The following AQR variants were observed in gnomAD, a reference collection of about 807,000 sequenced individuals.
AQR encodes aquarius intron-binding spliceosomal factor.
Under a neutral mutation model 180.5 loss-of-function variants are expected in AQR, and 61 were observed. The observed-to-expected ratio is 0.34, with a 90% confidence interval of 0.28 to 0.42. The LOEUF (loss-of-function observed/expected upper bound fraction) is 0.42. AQR is among the 10% of genes least tolerant of loss of function. AQR has a pLI of 1.00. For missense variants in AQR, 1,281 were observed against 1,798.3 expected, an observed-to-expected ratio of 0.71 and a Z score of 5.20; for synonymous variants, 551 against 588.8, an observed-to-expected ratio of 0.94 and a Z score of 0.93.
At chr15:34,886,942 G>C (rs1445123163) in intron 24 of AQR, among the ~76,000 whole-genome samples, 2 of 151,842 alleles carry the variant, frequency 1.3e-5, no homozygotes, top group Non-Finnish European at 2.9e-5. Flanking sequence ...GGCTAACATG[G>C]TGAAACCCTG....
At chr15:34,913,009 A>G (rs1893523316) in intron 16 of AQR, among the ~76,000 whole-genome samples, 1 of 152,204 alleles carries the variant, frequency 6.6e-6, no homozygotes, top group Non-Finnish European at 1.5e-5. Flanking sequence ...ACAACTTCCT[A>G]TCACCTCCTC....
intron 29 of AQR, chr15:34,874,459 T>C (rs1892864522): frequency 2.0e-6 from 1 of 512,774 alleles, no homozygotes; most frequent in Non-Finnish European, 3.4e-6. Flanking sequence ...GATTATAAGT[T>C]ACTTAAATTA....
intron 14 of AQR, among the ~76,000 whole-genome samples, chr15:34,919,055 A>G (rs1893641923): frequency 6.6e-6 from 1 of 152,118 alleles, no homozygotes; most frequent in African/African-American, 2.4e-5. Context: ...CCTGACCAAC[A>G]TGGTGAAACC....
At position 34,927,764 on chromosome 15, in the gene AQR, T is replaced by G. The variant is rs75891146; in HGVS notation, c.1015-626A>C. 2.6e-5 allele frequency among the ~76,000 whole-genome samples: 4 copies of G among 152,302 alleles called. No individual in the cohort carries two copies. In the East Asian group the frequency reaches 7.7e-4, roughly 29 times the overall value. The stretch of plus-strand genomic sequence containing the variant: ...ACATGGCACAGAAAAGATCCGGAAG[T>G]TTTCATGTGTTCCATGGTGGATGAC... On this transcript the variant is annotated intron_variant, in intron 12 of 34. Transcript: ENST00000156471.
chr15:34,900,992 C>T, intron 19 of AQR, 129 bp from the exon 20 acceptor site: 1 of 1,236,320 alleles, frequency 8.1e-7, no homozygotes, highest in South Asian at 1.7e-5. Context: ...CTATTTTCCG[C>T]TGGCTGACAG....
intron 12 of AQR, 41 bp from the exon 13 acceptor site, chr15:34,927,179 C>T (rs1305252607): frequency 8.6e-7 from 1 of 1,159,016 alleles, no homozygotes; most frequent in Non-Finnish European, 1.2e-6. Flanking sequence ...TTAATGTCTA[C>T]ATATTAATAT....
At chr15:34,857,355 G>A (rs1445048820) in intron 34 of AQR, among the ~76,000 whole-genome samples, 1 of 152,218 alleles carries the variant, frequency 6.6e-6, no homozygotes, top group Non-Finnish European at 1.5e-5. Flanking sequence ...AAAGCTATTA[G>A]ATTTTTAAGC....
chr15:34,916,193 A>G (rs1595796144), intron 15 of AQR, among the ~76,000 whole-genome samples: 1 of 152,210 alleles, frequency 6.6e-6, no homozygotes, highest in South Asian at 2.1e-4. Context: ...ACACTGAATT[A>G]TTATGTTACA....
At chr15:34,964,077 A>G (rs2050296820) in intron 2 of AQR, among the ~76,000 whole-genome samples, 157 bp downstream of exon 2, 1 of 152,216 alleles carries the variant, frequency 6.6e-6, no homozygotes, top group Non-Finnish European at 1.5e-5. Flanking sequence ...ATTTCCTAAC[A>G]TAAATCATTG....
intron 16 of AQR, among the ~76,000 whole-genome samples, chr15:34,910,763 T>G (rs1396485647): frequency 6.6e-6 from 1 of 152,268 alleles, no homozygotes; most frequent in African/African-American, 2.4e-5. Context: ...GTATACACTG[T>G]GATATCATTA....
At chr15:34,940,865 T>C (rs1458565777) in intron 8 of AQR, 34 bp downstream of exon 8, 1 of 1,509,852 alleles carries the variant, frequency 6.6e-7, no homozygotes, top group African/African-American at 1.4e-5. Flanking sequence ...TCCAGCATAA[T>C]AAGCCAACAT....
At chr15:34,967,975 G>C (rs1305134523) in intron 1 of AQR, among the ~76,000 whole-genome samples, 2 of 151,844 alleles carry the variant, frequency 1.3e-5, no homozygotes, top group African/African-American at 4.8e-5. Context: ...CACCAAGCCT[G>C]CCTACTTTTG....
At chr15:34,890,912 G>T (rs888083312) in intron 23 of AQR, among the ~76,000 whole-genome samples, 7 of 152,026 alleles carry the variant, frequency 4.6e-5, no homozygotes, top group African/African-American at 1.4e-4. Context: ...GGGTTCCCTC[G>T]AATCCTAGTA....
At chr15:34,869,437 T>C (rs1213331288) in intron 31 of AQR, 1 of 152,204 alleles carries the variant, frequency 6.6e-6, no homozygotes, top group Non-Finnish European at 1.5e-5. Flanking sequence ...ATATTATACC[T>C]GGGAATTCTG....
rs1391013151 is a variant in AQR at position 34,854,039 on chromosome 15, T to C, written c.*2753A>G. ...GCATCTAGCAAAACATCTCAACTTT[T>C]ATTACACCAACTTTGGGAGTCTTGA... On this transcript the variant is annotated 3_prime_UTR_variant, in exon 35 of 35. Coordinates refer to ENST00000156471, the MANE Select transcript of AQR (RefSeq NM_014691.3). 2 of 152,142 alleles carry C rather than the reference T, an allele frequency of 1.3e-5. No individual in the cohort carries two copies. The highest frequency in any genetic ancestry group is 6.5e-5 in the Admixed American group (1 of 15,276). The allele number at this position is 152,142 out of a possible 1,614,324, so 9.4% of individuals were successfully genotyped here.
At chr15:34,887,042 G>A (rs1399390251) in intron 24 of AQR, among the ~76,000 whole-genome samples, 1 of 151,736 alleles carries the variant, frequency 6.6e-6, no homozygotes, top group Non-Finnish European at 1.5e-5. Flanking sequence ...AGAGAATGGC[G>A]TGAACCTGGG....
At chr15:34,874,053 C>CT in intron 29 of AQR, 54 bp from the exon 30 acceptor site, 6 of 1,468,146 alleles carry the variant, frequency 4.1e-6, no homozygotes, top group Non-Finnish European at 5.5e-6. Flanking sequence ...TGTAAAATCT[C>CT]TTTTAATATA....
rs558782328 is a variant in AQR, at chr15:34,934,946, A to G, written c.719-311T>C. On this transcript the variant is annotated intron_variant, in intron 9 of 34. Coordinates refer to ENST00000156471, the MANE Select transcript of AQR (RefSeq NM_014691.3). ...AAAATCTGTATTAAATTAGATTTTG[A>G]AAAAACTTAGAGATATAAAAACTAG... is the stretch of plus-strand genomic sequence containing the variant. Among the ~76,000 whole-genome samples, 15 of 152,280 alleles carry G rather than the reference A, an allele frequency of 9.9e-5. No individual in the cohort carries two copies. The South Asian group carries it at 3.1e-3, about 32-fold the overall frequency.
chr15:34,946,253 CAA>C (rs1397398204), intron 5 of AQR, among the ~76,000 whole-genome samples: 1 of 152,218 alleles, frequency 6.6e-6, no homozygotes, highest in African/African-American at 2.4e-5. Flanking sequence ...GCCTGGATAA[CAA>C]GAGCTAAATT....
Sources: gnomAD v4.1 joint callset for allele counts (sites outside exome capture counted in the v4.1 genomes callset) on GRCh38, gnomAD v4.1.1 for gene constraint, MANE v1.5 for transcripts, NCBI Gene and HGNC (gene_info 2026-07-23, HGNC 2026-07-21) for gene names.